CNTLN: variants seen among roughly 807,000 people sequenced by gnomAD.
CNTLN encodes centlein, centrosomal protein.
Under a neutral mutation model 180.0 loss-of-function variants are expected in CNTLN, and 212 were observed. The ratio of observed to expected loss-of-function variants is 1.18; its 90% CI spans 1.05 to 1.32. The LOEUF (loss-of-function observed/expected upper bound fraction) is 1.32, where lower values mean the gene tolerates loss of function less well. Ranked by LOEUF, CNTLN falls within the 40% of genes most tolerant of loss-of-function variation. The pLI is 0.00. For synonymous variants in CNTLN, 722 were observed against 563.1 expected, an observed-to-expected ratio of 1.28 and a Z score of -3.99; for missense variants, 2,095 against 1,610.9, an observed-to-expected ratio of 1.30 and a Z score of -5.14.
chr9:17,246,624 C>G (rs1019353312), intron 5 of CNTLN, among the ~76,000 whole-genome samples: 3 of 152,300 alleles, frequency 2.0e-5, no homozygotes, highest in African/African-American at 7.2e-5. Context: ...CTGTGTCCTT[C>G]CCTTCAGTAC....
At chr9:17,181,918 A>G (rs999705728) in intron 2 of CNTLN, among the ~76,000 whole-genome samples, 3 of 152,310 alleles carry the variant, frequency 2.0e-5, no homozygotes, top group South Asian at 4.1e-4. Context: ...ATTGCTGGGC[A>G]GAGGTGAAAA....
chr9:17,479,676 GCTAAGTATT>G (rs1332822604), intron 23 of CNTLN, among the ~76,000 whole-genome samples: 2 of 152,244 alleles, frequency 1.3e-5, no homozygotes, highest in African/African-American at 2.4e-5. Flanking sequence ...TAGGTCTCAT[GCTAAGTATT>G]CTTACCACAA....
At chr9:17,137,134 C>T (rs1015381143) in intron 1 of CNTLN, among the ~76,000 whole-genome samples, 1 of 152,108 alleles carries the variant, frequency 6.6e-6, no homozygotes, top group Non-Finnish European at 1.5e-5. Context: ...TTTGTGACCT[C>T]GGACATATAT....
At chr9:17,326,648 A>G (rs1023312578) in intron 8 of CNTLN, among the ~76,000 whole-genome samples, 3 of 152,316 alleles carry the variant, frequency 2.0e-5, no homozygotes, top group South Asian at 2.1e-4. Flanking sequence ...ACAAAACTCT[A>G]CTTCAGCCAG....
At chr9:17,195,570 T>G (rs1822076353) in intron 2 of CNTLN, among the ~76,000 whole-genome samples, 1 of 152,212 alleles carries the variant, frequency 6.6e-6, no homozygotes, top group African/African-American at 2.4e-5. Context: ...ACTGTTTGTA[T>G]ACTTATAGGT....
intron 8 of CNTLN, among the ~76,000 whole-genome samples, chr9:17,312,343 T>A (rs28480560): frequency 0.017 from 503 of 30,192 alleles, 3 homozygotes; most frequent in Admixed American, 0.02. Context: ...ATTACTGTAT[T>A]TATATATATA....
In CNTLN at chr9:17,273,840, G is replaced by C; in HGVS notation, c.957G>C (p.Gln319His). The C allele has an allele frequency of 6.4e-7, 1 of 1,567,068 alleles. No homozygotes were observed. Among genetic ancestry groups the C allele is most frequent in the Non-Finnish European group, 8.6e-7 (1 of 1,160,710 alleles). Residue 319 changes from glutamine to histidine, a missense_variant, in exon 6 of 26, where the codon CAG (glutamine) becomes CAC (histidine). Gln to His is a conservative substitution (Grantham distance 24). Transcript: ENST00000380647. ...QLSNKQTELI[Q>H]KDMDITLVRK... is the part of the protein sequence containing the mutation. ...GTAATAAACAGACTGAACTTATCCA[G>C]AAGGATATGGATATTACCCTGGTCA...
At chr9:17,135,492 C>A (rs1817647154) in intron 1 of CNTLN, 67 bp downstream of exon 1, 27 of 1,513,200 alleles carry the variant, frequency 1.8e-5, no homozygotes, top group Non-Finnish European at 2.4e-5. Context: ...GGGAGGCGCG[C>A]CTTTCTCCCT....
intron 7 of CNTLN, among the ~76,000 whole-genome samples, chr9:17,307,402 G>A (rs1204383262): frequency 1.3e-5 from 2 of 152,006 alleles, no homozygotes; most frequent in East Asian, 3.9e-4. Context: ...CCAAGTAGCT[G>A]GGACTACAGG....
At chr9:17,364,337 ATTT>A (rs1484007090) in intron 12 of CNTLN, among the ~76,000 whole-genome samples, 1 of 151,816 alleles carries the variant, frequency 6.6e-6, no homozygotes, top group African/African-American at 2.4e-5. Context: ...GCTCTCTTCC[ATTT>A]TATCAATTTC....
chr9:17,145,841 A>C (rs556748281), intron 2 of CNTLN, among the ~76,000 whole-genome samples: 1 of 152,156 alleles, frequency 6.6e-6, no homozygotes, highest in Non-Finnish European at 1.5e-5. Flanking sequence ...AAGGATGGAC[A>C]GGTGGTACGT....
intron 25 of CNTLN, among the ~76,000 whole-genome samples, chr9:17,489,329 G>A (rs1055578701): frequency 1.3e-5 from 2 of 152,060 alleles, no homozygotes; most frequent in Non-Finnish European, 2.9e-5. Flanking sequence ...CATTGGGTAT[G>A]AGCTTACATC....
chr9:17,442,610 G>A (rs868008882), intron 18 of CNTLN, among the ~76,000 whole-genome samples: 8 of 152,104 alleles, frequency 5.3e-5, no homozygotes, highest in South Asian at 2.1e-4. Context: ...TGTTGACCAG[G>A]CTGGTCTCAA....
chr9:17,220,954 C>G (rs1587220298), intron 2 of CNTLN, among the ~76,000 whole-genome samples: 1 of 151,962 alleles, frequency 6.6e-6, no homozygotes, highest in Middle Eastern at 3.4e-3. Flanking sequence ...CCTTTGTAAC[C>G]CTATAAATTA....
chr9:17,426,863 C>G (rs923390461), intron 18 of CNTLN, among the ~76,000 whole-genome samples: 11 of 151,968 alleles, frequency 7.2e-5, no homozygotes, highest in African/African-American at 2.7e-4. Context: ...CCAGACTACA[C>G]TACTTAATAT....
At chr9:17,261,551 T>C (rs1290038150) in intron 5 of CNTLN, among the ~76,000 whole-genome samples, 1 of 151,532 alleles carries the variant, frequency 6.6e-6, no homozygotes, top group African/African-American at 2.4e-5. Flanking sequence ...TGAAATTATG[T>C]ATTCCCTAGG....
Position 17,139,800 on chromosome 9 carries a change from G to C in CNTLN, c.361-3488G>C, listed in dbSNP as rs541491760. 1.7e-3 allele frequency among the ~76,000 whole-genome samples: 264 copies of C among 152,200 alleles called. 1 individual carries two copies. The highest frequency in any genetic ancestry group is 5.5e-3 in the African/African-American group (229 of 41,528). On this transcript the variant is annotated intron_variant, in intron 1 of 25. Coordinates refer to ENST00000380647, the MANE Select transcript of CNTLN (RefSeq NM_017738.4). ...GCTCATTGCAGCGTTGACCTCCTGG[G>C]CTCAAAGGATCCACCCACCTCAGCC...
At position 17,232,018 on chromosome 9, in the gene CNTLN, C is replaced by T. The variant is rs373270760; in HGVS notation, c.535-3640C>T. 1.2e-4 allele frequency among the ~76,000 whole-genome samples: 18 copies of T among 152,116 alleles called. 1 individual carries two copies. The East Asian group carries it at 3.1e-3, about 26-fold the overall frequency. ...TCTGTTTGCTGTTTTAATATTAACT[C>T]AAGCCAGGCTATTAAGAATTTACCT... On this transcript the variant is annotated intron_variant, in intron 3 of 25. Transcript: ENST00000380647.
chr9:17,486,289 CAGTAAATTTCAACAAATA>C (rs928366307), intron 24 of CNTLN, among the ~76,000 whole-genome samples: 9 of 54,124 alleles, frequency 1.7e-4, no homozygotes, highest in Non-Finnish European at 4.9e-4. Context: ...GCCTGCCATA[CAGTAAATTTCAACAAATA>C]ATAGTTTCTC....
Sources: gnomAD v4.1 joint callset for allele counts (sites outside exome capture counted in the v4.1 genomes callset) on GRCh38, gnomAD v4.1.1 for gene constraint, MANE v1.5 for transcripts, NCBI Gene and HGNC (gene_info 2026-07-23, HGNC 2026-07-21) for gene names.